MAGI2: variants seen among roughly 807,000 people sequenced by gnomAD.
The protein encoded by MAGI2 is membrane associated guanylate kinase, WW and PDZ domain containing 2.
A neutral mutation model predicts 133.3 loss-of-function variants in MAGI2; 35 were observed. The ratio of observed to expected loss-of-function variants is 0.26; its 90% CI spans 0.20 to 0.35. The LOEUF is 0.35. MAGI2 is among the 10% of genes least tolerant of loss of function. The pLI is 1.00. For missense variants in MAGI2, 1,636 were observed against 1,863.4 expected, an observed-to-expected ratio of 0.88 and a Z score of 2.25; for synonymous variants, 729 against 710.6, an observed-to-expected ratio of 1.03 and a Z score of -0.41.
chr7:79,009,176 G>T (rs920708951), intron 1 of MAGI2: 2 of 151,994 alleles, frequency 1.3e-5, no homozygotes, highest in Non-Finnish European at 2.9e-5. Flanking sequence ...ACATTTTGTA[G>T]TTCAGGATGA....
intron 6 of MAGI2, among the ~76,000 whole-genome samples, chr7:78,483,301 T>C (rs949134110): frequency 1.7e-4 from 26 of 151,846 alleles, no homozygotes; most frequent in African/African-American, 6.3e-4. Context: ...TTGTATGCAT[T>C]GAGGAGAAAT....
intron 3 of MAGI2, among the ~76,000 whole-genome samples, chr7:78,535,385 A>G (rs1158648336): frequency 6.6e-6 from 1 of 152,174 alleles, no homozygotes; most frequent in East Asian, 1.9e-4. Flanking sequence ...AGGCATTCAG[A>G]TTTGTTTTTA....
rs185109568 is a variant in MAGI2, at chr7:78,804,854, G to C, written c.419-177615C>G. ...AAGCCGAGGCGGGTGGATCACCTAA[G>C]ACCAGGAGTTCGAAACCAGTCTGGC... On this transcript the variant is annotated intron_variant, in intron 2 of 21. Transcript: ENST00000354212. 3.6e-3 allele frequency among the ~76,000 whole-genome samples: 542 copies of C among 150,620 alleles called. 3 individuals are homozygous for C. Among genetic ancestry groups the C allele is most frequent in the Middle Eastern group, 7.1e-3 (2 of 282 alleles).
intron 21 of MAGI2, among the ~76,000 whole-genome samples, chr7:78,068,432 C>T (rs912745133): frequency 4.6e-5 from 7 of 152,018 alleles, no homozygotes; most frequent in Non-Finnish European, 8.8e-5. Context: ...CAACTGTGGA[C>T]TCTGAGTGAT....
At chr7:78,399,827 AG>A (rs1405914765) in intron 6 of MAGI2, among the ~76,000 whole-genome samples, 2 of 149,172 alleles carry the variant, frequency 1.3e-5, no homozygotes, top group Non-Finnish European at 3.0e-5. Context: ...AAAAAAAAAA[AG>A]GCATAACATT....
At chr7:78,650,869 G>A (rs1462937565) in intron 2 of MAGI2, among the ~76,000 whole-genome samples, 1 of 152,128 alleles carries the variant, frequency 6.6e-6, no homozygotes, top group Non-Finnish European at 1.5e-5. Flanking sequence ...AAGAACAACA[G>A]CATGCAATAG....
chr7:79,134,180 C>T (rs994751827), intron 1 of MAGI2, among the ~76,000 whole-genome samples: 3 of 152,002 alleles, frequency 2.0e-5, no homozygotes, highest in African/African-American at 7.2e-5. Context: ...TTTAGGGGTC[C>T]TCTAGGTACC....
At chr7:78,714,029 ATGTTTT>A (rs1819465834) in intron 2 of MAGI2, among the ~76,000 whole-genome samples, 2 of 134,300 alleles carry the variant, frequency 1.5e-5, no homozygotes, top group Admixed American at 1.7e-4. Context: ...ATAGTTTCCC[ATGTTTT>A]CAAAAGAGCA....
intron 2 of MAGI2, among the ~76,000 whole-genome samples, chr7:78,647,773 A>G (rs997393243): frequency 6.6e-6 from 1 of 152,218 alleles, no homozygotes; most frequent in Admixed American, 6.5e-5. Context: ...TAGACTGGAT[A>G]AAGAAAATGT....
intron 1 of MAGI2, among the ~76,000 whole-genome samples, chr7:79,172,346 T>C (rs575329695): frequency 6.6e-6 from 1 of 152,214 alleles, no homozygotes; most frequent in South Asian, 2.1e-4. Context: ...TAGCCATACC[T>C]TTGAACCCTC....
At chr7:78,597,860 G>GTT (rs79078368) in intron 3 of MAGI2, among the ~76,000 whole-genome samples, 1 of 110,212 alleles carries the variant, frequency 9.1e-6, no homozygotes, top group Non-Finnish European at 1.8e-5. Flanking sequence ...CTGGCAAACT[G>GTT]TTTTTTTTTT....
chr7:79,304,168 A>G (rs1041081301), intron 1 of MAGI2, among the ~76,000 whole-genome samples: 12 of 66,770 alleles, frequency 1.8e-4, no homozygotes, highest in Non-Finnish European at 2.5e-4. Flanking sequence ...TAAAGTGCCA[A>G]TTTTCAACTG....
intron 20 of MAGI2, among the ~76,000 whole-genome samples, chr7:78,079,321 C>CT (rs1815707415): frequency 6.6e-6 from 1 of 152,170 alleles, no homozygotes. Context: ...CCATATGTTA[C>CT]TTATTATGTT....
intron 3 of MAGI2, among the ~76,000 whole-genome samples, chr7:78,525,486 T>C (rs1164206714): frequency 1.3e-5 from 2 of 152,184 alleles, no homozygotes; most frequent in African/African-American, 4.8e-5. Context: ...AACGTACCAG[T>C]ATGTTTTCAG....
chr7:78,557,096 A>G (rs1227927245), intron 3 of MAGI2, among the ~76,000 whole-genome samples: 2 of 147,668 alleles, frequency 1.4e-5, no homozygotes, highest in East Asian at 4.2e-4. Context: ...AAAAAAAAAA[A>G]AAAAGAAAAA....
chr7:78,818,666 C>G (rs1031879281), intron 2 of MAGI2, among the ~76,000 whole-genome samples: 1 of 152,118 alleles, frequency 6.6e-6, no homozygotes, highest in Non-Finnish European at 1.5e-5. Flanking sequence ...AGTTGACTGT[C>G]TTAGAATATG....
intron 3 of MAGI2, among the ~76,000 whole-genome samples, chr7:78,547,527 G>C (rs532259388): frequency 1.3e-5 from 2 of 152,096 alleles, no homozygotes; most frequent in African/African-American, 2.4e-5. Context: ...TCATTCATTC[G>C]TTCATTCAAT....
intron 2 of MAGI2, among the ~76,000 whole-genome samples, chr7:78,737,772 A>T (rs570160766): frequency 6.6e-6 from 1 of 152,280 alleles, no homozygotes; most frequent in African/African-American, 2.4e-5. Context: ...GTAAATGAAT[A>T]AATATTTCTA....
intron 15 of MAGI2, among the ~76,000 whole-genome samples, chr7:78,164,821 A>AT (rs1825460792): frequency 1.3e-5 from 2 of 152,204 alleles, no homozygotes; most frequent in South Asian, 4.1e-4. Context: ...CCTCAGAGAC[A>AT]TGGTGTGCAT....
Sources: gnomAD v4.1 joint callset for allele counts (sites outside exome capture counted in the v4.1 genomes callset) on GRCh38, gnomAD v4.1.1 for gene constraint, MANE v1.5 for transcripts, NCBI Gene and HGNC (gene_info 2026-07-23, HGNC 2026-07-21) for gene names.